Variants in CEP44 observed in about 807,000 individuals in gnomAD.
The protein encoded by CEP44 is centrosomal protein of 44 kDa.
Under a neutral mutation model 46.7 loss-of-function variants are expected in CEP44, and 45 were observed. The observed-to-expected ratio is 0.96, with a 90% CI of 0.76 to 1.24. The LOEUF (loss-of-function observed/expected upper bound fraction) is 1.24. Among genes scored for constraint, CEP44 ranks in the 50% most tolerant of loss-of-function variants. The probability of loss-of-function intolerance (pLI) is 0.00; values close to 1 mark genes in which losing one functional copy is unlikely to be tolerated. For synonymous variants in CEP44, 142 were observed against 146.0 expected (o/e 0.97, Z 0.20); for missense variants, 475 against 459.7 (o/e 1.03, Z -0.30).
Position 174,318,082 on chromosome 4 carries a change from G to T in CEP44, c.*699G>T. ...TATTGTATAATTTTTTTGGAGGGGG[G>T]GATGGAGTTTCGCTGTTGTTGCCCA... On this transcript the variant is annotated 3_prime_UTR_variant, in exon 12 of 12. Coordinates refer to ENST00000503780, the MANE Select transcript of CEP44 (RefSeq NM_001040157.3). 4 of 984,872 alleles carry T rather than the reference G, an allele frequency of 4.1e-6. No homozygotes were observed. The highest frequency in any genetic ancestry group is 5.2e-4 in the Middle Eastern group (1 of 1,910). The allele number at this position is 984,872 out of a possible 1,614,324, so 61.0% of individuals were successfully genotyped here.
chr4:174,293,751 A>T (rs1430633223), intron 1 of CEP44, among the ~76,000 whole-genome samples: 1 of 152,172 alleles, frequency 6.6e-6, no homozygotes, highest in African/African-American at 2.4e-5. Flanking sequence ...AATGAAGACC[A>T]CTTTATTCCT....
At position 174,314,067 on chromosome 4, in the gene CEP44, C is replaced by T. The variant is rs1159041183; in HGVS notation, c.962-2099C>T. 6.6e-6 allele frequency among the ~76,000 whole-genome samples: 1 copy of T among 152,064 alleles called. No homozygotes were observed. Among genetic ancestry groups the T allele is most frequent in the Admixed American group, 6.5e-5 (1 of 15,278 alleles). ...TTCGTGGAATAAGGTGATAAGCCTC[C>T]AAAGATGGCAGTGAAAGATTAGTTG... is the stretch of plus-strand genomic sequence containing the variant. On this transcript the variant is annotated intron_variant, in intron 9 of 11. Coordinates refer to ENST00000503780, the MANE Select transcript of CEP44 (RefSeq NM_001040157.3). The surrounding 1 kb of genome is among the most constrained non-coding windows in gnomAD (Gnocchi z 4.1).
downstream of CEP44, among the ~76,000 whole-genome samples, chr4:174,324,274 C>T (rs2126695055): frequency 6.6e-6 from 1 of 152,250 alleles, no homozygotes; most frequent in Admixed American, 6.5e-5. Context: ...AGTGTGCTAA[C>T]ATACCACAAT....
intron 9 of CEP44, among the ~76,000 whole-genome samples, chr4:174,313,743 T>C (rs1188182161): frequency 2.0e-5 from 3 of 152,100 alleles, no homozygotes; most frequent in Non-Finnish European, 4.4e-5. Flanking sequence ...GATGTTAAAA[T>C]TGATATGCCT....
At chr4:174,315,840 C>CAAAAAAAAAA (rs58586936) in intron 9 of CEP44, among the ~76,000 whole-genome samples, 1 of 95,776 alleles carries the variant, frequency 1.0e-5, no homozygotes, top group Non-Finnish European at 2.2e-5. Context: ...GACTCCGTCT[C>CAAAAAAAAAA]AAAAAAAAAA....
intron 1 of CEP44, among the ~76,000 whole-genome samples, chr4:174,284,924 A>G (rs905431010): frequency 2.0e-5 from 3 of 152,192 alleles, no homozygotes; most frequent in Admixed American, 1.3e-4. Flanking sequence ...CTTCATTCTA[A>G]ACAAAAATCA....
downstream of CEP44, among the ~76,000 whole-genome samples, chr4:174,322,426 A>G (rs1255347790): frequency 3.3e-5 from 5 of 152,124 alleles, no homozygotes; most frequent in Non-Finnish European, 7.4e-5. Context: ...GCTTCAGATT[A>G]AACATAACTC....
At position 174,310,523 on chromosome 4, in the gene CEP44, G is replaced by A. The variant is rs1469564306; in HGVS notation, c.886-260G>A. 6.7e-6 allele frequency among the ~76,000 whole-genome samples: 1 copy of A among 150,130 alleles called. No individual in the cohort carries two copies. The highest frequency in any genetic ancestry group is 1.5e-5 in the Non-Finnish European group (1 of 67,344). ...TTGCCTTATCAAATCTGAGAAATTTGTTTTTTTTTACTCAGGATTTCAATT... is the reference window on the plus strand; with the variant it reads ...TTGCCTTATCAAATCTGAGAAATTTATTTTTTTTTACTCAGGATTTCAATT... On this transcript the variant is annotated intron_variant, in intron 8 of 11. Coordinates refer to ENST00000503780, the MANE Select transcript of CEP44 (RefSeq NM_001040157.3). This position sits in a 1 kb window ranked among gnomAD's most constrained non-coding sequence, Gnocchi z 4.2.
chr4:174,306,481 T>G (rs540284347), intron 6 of CEP44, among the ~76,000 whole-genome samples: 80 of 152,238 alleles, frequency 5.3e-4, no homozygotes, highest in African/African-American at 1.8e-3. Context: ...TGTCTTTATT[T>G]TAAATCAAAT....
rs1282425671 is a variant in CEP44 at position 174,283,952 on chromosome 4, C to G, written c.-148+9C>G. 7.5e-6 allele frequency: 3 copies of G among 398,992 alleles called. No homozygotes were observed. The highest frequency in any genetic ancestry group is 1.3e-5 in the Non-Finnish European group (3 of 226,296). The allele number at this position is 398,992 out of a possible 1,614,324, so 24.7% of individuals were successfully genotyped here. ...TTGAAGGTCTTGCGGTGGTGCGTGG[C>G]GGGCAGGAACCCACAATTCCAAATA... On this transcript the variant is annotated intron_variant, in intron 1 of 11. Coordinates refer to ENST00000503780, the MANE Select transcript of CEP44 (RefSeq NM_001040157.3). This position sits in a 1 kb window ranked among gnomAD's most constrained non-coding sequence, Gnocchi z 6.7.
rs1016349668 is a variant in CEP44 at position 174,319,324 on chromosome 4, A to G, written c.*1941A>G. On this transcript the variant is annotated 3_prime_UTR_variant, in exon 12 of 12. Transcript: ENST00000503780. ...AAGGGAAAAAACTTCTGTATCGATT[A>G]ACTCCTAAAATATCAGTACCAGCAT... 1 of 982,518 alleles carries G rather than the reference A, an allele frequency of 1.0e-6. No individual in the cohort carries two copies. The highest frequency in any genetic ancestry group is 1.2e-6 in the Non-Finnish European group (1 of 827,422). The allele number at this position is 982,518 out of a possible 1,614,324, so 60.9% of individuals were successfully genotyped here.
chr4:174,290,478 A>T lies in CEP44; in HGVS notation c.-148+6535A>T, dbSNP rs1451189919. Among the ~76,000 whole-genome samples, 1 of 121,560 alleles carries T rather than the reference A, an allele frequency of 8.2e-6. No homozygotes were observed. Among genetic ancestry groups the T allele is most frequent in the Non-Finnish European group, 2.0e-5 (1 of 49,028 alleles). 79.7% of individuals were successfully genotyped at this position (121,560 alleles called of 152,430 possible). ...ACCTAGGCTGTGATCAGTTATAGAG[A>T]ATGTTTCATGTCCTTTTGAGAAGAA... On this transcript the variant is annotated intron_variant, in intron 1 of 11. Coordinates refer to ENST00000503780, the MANE Select transcript of CEP44 (RefSeq NM_001040157.3). This position sits in a 1 kb window ranked among gnomAD's most constrained non-coding sequence, Gnocchi z 4.3.
chr4:174,291,505 C>T (rs1388026070), intron 1 of CEP44, among the ~76,000 whole-genome samples: 2 of 152,004 alleles, frequency 1.3e-5, no homozygotes, highest in East Asian at 3.9e-4. Context: ...TGTAGTTACT[C>T]ATACTATTTT....
Position 174,290,853 on chromosome 4 carries a change from G to A in CEP44, c.-148+6910G>A, listed in dbSNP as rs1466318229. ...GATGTTGGGTGCATATGTATTTTTAGTTGTTGTATCTTTCTATTGAATTGA... is the reference window on the plus strand; with the variant it reads ...GATGTTGGGTGCATATGTATTTTTAATTGTTGTATCTTTCTATTGAATTGA... On this transcript the variant is annotated intron_variant, in intron 1 of 11. Transcript: ENST00000503780. This position sits in a 1 kb window ranked among gnomAD's most constrained non-coding sequence, Gnocchi z 4.3. Among the ~76,000 whole-genome samples the A allele has an allele frequency of 1.3e-5, 2 of 152,048 alleles. No homozygotes were observed.
Position 174,308,559 on chromosome 4 carries a change from A to G in CEP44, c.508-130A>G, listed in dbSNP as rs559013681. 5.3e-5 allele frequency: 45 copies of G among 842,262 alleles called. No individual in the cohort carries two copies. The African/African-American group carries it at 5.8e-4, about 11-fold the overall frequency. The allele number at this position is 842,262 out of a possible 1,614,324, so 52.2% of individuals were successfully genotyped here. A position where few individuals can be genotyped will look rare whatever the true frequency, so the allele number is the denominator to read the frequency against. Reference sequence around the variant, plus strand: ...CCTGGGTGATGAAATAATCTGCACAACAAACCCCCATGGCACACATTTACT... The same window carrying G: ...CCTGGGTGATGAAATAATCTGCACAGCAAACCCCCATGGCACACATTTACT... On this transcript the variant is annotated intron_variant, in intron 6 of 11. Transcript: ENST00000503780.
In CEP44 at chr4:174,286,281, C is replaced by T. The variant is rs1190621064; in HGVS notation, c.-148+2338C>T. ...TAGGATTTTGTAAATCGGTGACCTT[C>T]TTACCTTTCCTTATTTAAAGATAGA... On this transcript the variant is annotated intron_variant, in intron 1 of 11. Coordinates refer to ENST00000503780, the MANE Select transcript of CEP44 (RefSeq NM_001040157.3). The surrounding 1 kb of genome is among the most constrained non-coding windows in gnomAD (Gnocchi z 5.2). Among the ~76,000 whole-genome samples the T allele has an allele frequency of 2.0e-5, 3 of 152,118 alleles. No individual in the cohort carries two copies. The highest frequency in any genetic ancestry group is 4.4e-5 in the Non-Finnish European group (3 of 68,008).
chr4:174,313,451 C>A (rs1030607486), intron 9 of CEP44, among the ~76,000 whole-genome samples: 1 of 150,692 alleles, frequency 6.6e-6, no homozygotes, highest in Non-Finnish European at 1.5e-5. Flanking sequence ...AGGAAGGGTA[C>A]ATGTGAGCAC....
chr4:174,328,650 A>C (rs1283568335), intron 8 of CEP44, among the ~76,000 whole-genome samples: 1 of 152,200 alleles, frequency 6.6e-6, no homozygotes, highest in African/African-American at 2.4e-5. Flanking sequence ...TGTAATTTTT[A>C]GGAGCAACTC....
rs1741113707 is a variant in CEP44, at chr4:174,311,818, T to G, written c.961+960T>G. On this transcript the variant is annotated intron_variant, in intron 9 of 11. Coordinates refer to ENST00000503780, the MANE Select transcript of CEP44 (RefSeq NM_001040157.3). The surrounding 1 kb of genome is among the most constrained non-coding windows in gnomAD (Gnocchi z 4.4). ...AACTGATCTGAAGTTTTTTCTTGACTGCTGCATATTTGGAGCACATATCAA... is the reference window on the plus strand; with the variant it reads ...AACTGATCTGAAGTTTTTTCTTGACGGCTGCATATTTGGAGCACATATCAA... Among the ~76,000 whole-genome samples the G allele has an allele frequency of 6.6e-6, 1 of 152,206 alleles. No homozygotes were observed.
Sources: allele counts gnomAD v4.1 joint callset (sites outside exome capture counted in the v4.1 genomes callset), GRCh38; gene constraint gnomAD v4.1.1; non-coding constraint Gnocchi (gnomAD v3.1); transcripts MANE v1.5; gene names NCBI Gene and HGNC (gene_info 2026-07-23, HGNC 2026-07-21).